TBL1XR1: variants seen among roughly 807,000 people sequenced by gnomAD.
TBL1XR1 encodes the protein F-box-like/WD repeat-containing protein TBL1XR1.
Under a neutral mutation model 66.9 loss-of-function variants are expected in TBL1XR1, and 5 were observed. The ratio of observed to expected loss-of-function variants is 0.07; its 90% confidence interval spans 0.04 to 0.16. The LOEUF (loss-of-function observed/expected upper bound fraction) is 0.16, where lower values mean the gene tolerates loss of function less well. Ranked by LOEUF, TBL1XR1 falls within the 10% of genes least tolerant of loss-of-function variation. The pLI is 1.00. For synonymous variants in TBL1XR1, 210 were observed against 206.0 expected (o/e 1.02, Z -0.17); for missense variants, 238 against 623.2 (o/e 0.38, Z 6.58).
intron 1 of TBL1XR1, among the ~76,000 whole-genome samples, chr3:177,119,656 A>C (rs879435457): frequency 7.2e-5 from 11 of 152,214 alleles, no homozygotes; most frequent in Non-Finnish European, 1.3e-4. Context: ...CTAGGCAACA[A>C]CACCAATTAC....
intron 1 of TBL1XR1, among the ~76,000 whole-genome samples, chr3:177,160,303 T>A (rs1732028882): frequency 6.6e-6 from 1 of 151,642 alleles, no homozygotes; most frequent in Non-Finnish European, 1.5e-5. Flanking sequence ...TGAAACCCCA[T>A]CTCTACTAAA....
At chr3:177,146,805 T>C (rs1048038770) in intron 1 of TBL1XR1, among the ~76,000 whole-genome samples, 1 of 152,044 alleles carries the variant, frequency 6.6e-6, no homozygotes, top group Non-Finnish European at 1.5e-5. Flanking sequence ...ATCTCTAAAA[T>C]GCTCATGTCA....
intron 10 of TBL1XR1, among the ~76,000 whole-genome samples, chr3:177,044,307 T>C (rs191510690): frequency 1.3e-5 from 2 of 152,282 alleles, no homozygotes; most frequent in Admixed American, 6.5e-5. Context: ...CCCTGTGCAG[T>C]TGGAAATCTG....
At chr3:177,126,549 C>A (rs764773617) in intron 1 of TBL1XR1, among the ~76,000 whole-genome samples, 2 of 152,152 alleles carry the variant, frequency 1.3e-5, no homozygotes, top group Non-Finnish European at 2.9e-5. Context: ...CCTTCTGATT[C>A]CTCCAGCTAG....
At chr3:177,121,356 T>C (rs1421139785) in intron 1 of TBL1XR1, among the ~76,000 whole-genome samples, 3 of 152,242 alleles carry the variant, frequency 2.0e-5, no homozygotes, top group Non-Finnish European at 2.9e-5. Context: ...TTTATTATTT[T>C]CAAATTTGTC....
At chr3:177,139,335 A>G (rs1471090177) in intron 1 of TBL1XR1, among the ~76,000 whole-genome samples, 1 of 152,226 alleles carries the variant, frequency 6.6e-6, no homozygotes, top group Non-Finnish European at 1.5e-5. Flanking sequence ...CAGCCTGGCC[A>G]ACGTGGTGAA....
chr3:177,089,740 T>C (rs936934730), intron 2 of TBL1XR1, among the ~76,000 whole-genome samples: 16 of 152,162 alleles, frequency 1.1e-4, no homozygotes, highest in African/African-American at 2.4e-4. Flanking sequence ...CAAGAGGAAA[T>C]AGAAGGGCTC....
chr3:177,054,006 C>G (rs1235497030), intron 3 of TBL1XR1, 88 bp from the exon 4 acceptor site: 1 of 1,377,936 alleles, frequency 7.3e-7, no homozygotes, highest in African/African-American at 1.5e-5. Context: ...ATCATCTTTT[C>G]AAATCCCATC....
At chr3:177,189,225 TAAC>T (rs1458511937) in intron 1 of TBL1XR1, among the ~76,000 whole-genome samples, 1 of 150,736 alleles carries the variant, frequency 6.6e-6, no homozygotes, top group Non-Finnish European at 1.5e-5. Flanking sequence ...AAATAAGAAA[TAAC>T]AATTTCAGGC....
At chr3:177,113,205 C>A (rs1234263001) in intron 1 of TBL1XR1, among the ~76,000 whole-genome samples, 1 of 150,030 alleles carries the variant, frequency 6.7e-6, no homozygotes, top group Non-Finnish European at 1.5e-5. Flanking sequence ...TCACCATATA[C>A]AAAAATTAAA....
intron 10 of TBL1XR1, 106 bp from the exon 11 acceptor site, chr3:177,038,540 TA>T: frequency 9.1e-7 from 1 of 1,096,994 alleles, no homozygotes; most frequent in Non-Finnish European, 1.2e-6. Context: ...AACAGGCACT[TA>T]AACATTTTAC....
At chr3:177,155,508 C>T (rs912126260) in intron 1 of TBL1XR1, among the ~76,000 whole-genome samples, 2 of 151,950 alleles carry the variant, frequency 1.3e-5, no homozygotes, top group Admixed American at 1.3e-4. Flanking sequence ...ATTTGGGAAA[C>T]AAAAGGTGTA....
At chr3:177,083,072 A>G (rs1367934022) in intron 2 of TBL1XR1, among the ~76,000 whole-genome samples, 1 of 152,144 alleles carries the variant, frequency 6.6e-6, no homozygotes, top group East Asian at 1.9e-4. Flanking sequence ...TAATTCCACA[A>G]TAAAAATCAT....
At chr3:177,189,244 G>A (rs1171846094) in intron 1 of TBL1XR1, among the ~76,000 whole-genome samples, 1 of 151,944 alleles carries the variant, frequency 6.6e-6, no homozygotes, top group Non-Finnish European at 1.5e-5. Context: ...CAGGCCAGGT[G>A]TGGTGGCTCA....
At chr3:177,088,851 T>C (rs1381256233) in intron 2 of TBL1XR1, among the ~76,000 whole-genome samples, 1 of 152,156 alleles carries the variant, frequency 6.6e-6, no homozygotes, top group Non-Finnish European at 1.5e-5. Context: ...CATGCGACAA[T>C]GTCCTTCTTT....
intron 1 of TBL1XR1, among the ~76,000 whole-genome samples, chr3:177,191,279 T>C (rs1736110414): frequency 6.6e-6 from 1 of 152,188 alleles, no homozygotes; most frequent in Non-Finnish European, 1.5e-5. Flanking sequence ...TAAATTACAC[T>C]GTCAGTAGTT....
chr3:177,087,628 A>C (rs4857816), intron 2 of TBL1XR1, among the ~76,000 whole-genome samples: 1 of 152,144 alleles, frequency 6.6e-6, no homozygotes, highest in East Asian at 1.9e-4. Context: ...CAGAACCTGT[A>C]TGAAACTAGA....
At chr3:177,104,266 A>G (rs1724597061) in intron 1 of TBL1XR1, among the ~76,000 whole-genome samples, 1 of 152,186 alleles carries the variant, frequency 6.6e-6, no homozygotes, top group Non-Finnish European at 1.5e-5. Flanking sequence ...AGCACAATTA[A>G]GAAAGAAACA....
At chr3:177,067,417 T>C (rs1006789768) in intron 2 of TBL1XR1, among the ~76,000 whole-genome samples, 53 of 152,218 alleles carry the variant, frequency 3.5e-4, no homozygotes, top group African/African-American at 1.3e-3. Context: ...GCAAAGGTTT[T>C]TCACAATGCT....
Sources: allele counts gnomAD v4.1 joint callset (sites outside exome capture counted in the v4.1 genomes callset), GRCh38; gene constraint gnomAD v4.1.1; transcripts MANE v1.5; gene names NCBI Gene and HGNC (gene_info 2026-07-23, HGNC 2026-07-21).